EXT1: variants seen among roughly 807,000 people sequenced by gnomAD.
EXT1 encodes the protein exostosin glycosyltransferase 1.
A neutral mutation model predicts 82.5 loss-of-function variants in EXT1; 20 were observed. That is an observed-to-expected ratio of 0.24 (90% CI 0.17 to 0.35). The LOEUF (loss-of-function observed/expected upper bound fraction) is 0.35. Ranked by LOEUF, EXT1 falls within the 10% of genes least tolerant of loss-of-function variation. EXT1 has a pLI of 1.00. For synonymous variants in EXT1, 348 were observed against 350.8 expected (o/e 0.99, Z 0.09); for missense variants, 757 against 936.5 (o/e 0.81, Z 2.50).
chr8:118,096,549 C>T (rs1817613396), intron 1 of EXT1, among the ~76,000 whole-genome samples: 1 of 150,860 alleles, frequency 6.6e-6, no homozygotes, highest in Non-Finnish European at 1.5e-5. Flanking sequence ...TACAGTGAGC[C>T]GAGATCACGC....
intron 3 of EXT1, among the ~76,000 whole-genome samples, chr8:117,834,465 C>T (rs1364207898): frequency 1.3e-5 from 2 of 152,030 alleles, no homozygotes; most frequent in South Asian, 2.1e-4. Context: ...ATTAGCCAGG[C>T]GTGGTGGTGT....
intron 1 of EXT1, among the ~76,000 whole-genome samples, chr8:117,984,664 T>G (rs953496480): frequency 3.3e-5 from 5 of 152,120 alleles, no homozygotes; most frequent in Non-Finnish European, 7.4e-5. Flanking sequence ...TGATGTGGAT[T>G]TTTTCCTTGT....
chr8:117,836,024 C>G (rs970187090), intron 2 of EXT1, among the ~76,000 whole-genome samples: 1 of 152,202 alleles, frequency 6.6e-6, no homozygotes, highest in African/African-American at 2.4e-5. Flanking sequence ...GGCAGCAGTT[C>G]GTGGACTTAA....
At chr8:117,939,566 T>C (rs977357930) in intron 1 of EXT1, among the ~76,000 whole-genome samples, 1 of 112,642 alleles carries the variant, frequency 8.9e-6, no homozygotes, top group African/African-American at 3.4e-5. Flanking sequence ...TGAAACTCCA[T>C]CTCTGAAAAA....
chr8:118,092,400 T>C (rs1817539163), intron 1 of EXT1, among the ~76,000 whole-genome samples: 1 of 152,202 alleles, frequency 6.6e-6, no homozygotes, highest in Non-Finnish European at 1.5e-5. Context: ...GGAGGTGGAC[T>C]CTGGGATACA....
chr8:117,956,478 C>CTT (rs1563612511), intron 1 of EXT1, among the ~76,000 whole-genome samples: 4 of 152,136 alleles, frequency 2.6e-5, no homozygotes, highest in African/African-American at 9.7e-5. Flanking sequence ...GAGACAGTCT[C>CTT]ACTCTGTCGC....
intron 1 of EXT1, among the ~76,000 whole-genome samples, chr8:118,007,869 T>C (rs960971687): frequency 6.6e-6 from 1 of 152,186 alleles, no homozygotes; most frequent in Non-Finnish European, 1.5e-5. Context: ...CTATAATTTC[T>C]AGAACATTAC....
intron 1 of EXT1, among the ~76,000 whole-genome samples, chr8:118,028,990 T>C (rs1440017313): frequency 1.3e-5 from 2 of 152,120 alleles, no homozygotes. Flanking sequence ...TCACCATAAA[T>C]ATATATCAAT....
chr8:118,013,385 T>A (rs962688396), intron 1 of EXT1, among the ~76,000 whole-genome samples: 8 of 152,178 alleles, frequency 5.3e-5, no homozygotes, highest in Non-Finnish European at 1.2e-4. Flanking sequence ...ATTTTTGTAT[T>A]TTTAGTAGAG....
intron 1 of EXT1, among the ~76,000 whole-genome samples, chr8:117,918,674 G>A (rs961207286): frequency 5.3e-5 from 8 of 152,298 alleles, no homozygotes; most frequent in East Asian, 3.9e-4. Context: ...AGTCCAGAGC[G>A]GGCGTGAGAG....
chr8:117,857,531 C>A (rs887717452), intron 1 of EXT1, among the ~76,000 whole-genome samples: 2 of 91,342 alleles, frequency 2.2e-5, no homozygotes, highest in African/African-American at 1.1e-4. Context: ...GGCAAGACTT[C>A]CCCCCGCCAA....
At chr8:117,989,983 C>A (rs1815400434) in intron 1 of EXT1, among the ~76,000 whole-genome samples, 1 of 152,152 alleles carries the variant, frequency 6.6e-6, no homozygotes, top group Non-Finnish European at 1.5e-5. Context: ...ACCAGCCTGG[C>A]CAACATGGTG....
chr8:117,992,945 C>A (rs926313899), intron 1 of EXT1, among the ~76,000 whole-genome samples: 8 of 152,226 alleles, frequency 5.3e-5, no homozygotes, highest in Non-Finnish European at 7.3e-5. Flanking sequence ...ATTTCAGCTT[C>A]ACAGACAGCA....
intron 1 of EXT1, among the ~76,000 whole-genome samples, chr8:117,976,811 G>A (rs1397173492): frequency 6.6e-6 from 1 of 152,196 alleles, no homozygotes; most frequent in Non-Finnish European, 1.5e-5. Flanking sequence ...GGGGCTTGGA[G>A]GTGAAGAAGT....
In EXT1 at chr8:118,038,790, T is replaced by G. The variant is rs148257851; in HGVS notation, c.962+71295A>C. ...TCATTAAACTACATCTAAAAGATCCTAATACACCTGGCCACTCACTGCCTG... is the reference window on the plus strand; with the variant it reads ...TCATTAAACTACATCTAAAAGATCCGAATACACCTGGCCACTCACTGCCTG... On this transcript the variant is annotated intron_variant, in intron 1 of 10. Coordinates refer to ENST00000378204, the MANE Select transcript of EXT1 (RefSeq NM_000127.3). Among the ~76,000 whole-genome samples, 26 of 152,336 alleles carry G rather than the reference T, an allele frequency of 1.7e-4. No homozygotes were observed. In the East Asian group the frequency reaches 3.5e-3, roughly 20 times the overall value.
intron 1 of EXT1, among the ~76,000 whole-genome samples, chr8:117,895,918 C>A (rs1472467890): frequency 1.3e-5 from 2 of 152,182 alleles, no homozygotes; most frequent in Non-Finnish European, 2.9e-5. Context: ...ACATGCAGAT[C>A]CCAGCACACA....
intron 1 of EXT1, among the ~76,000 whole-genome samples, chr8:117,965,326 T>C (rs1434251467): frequency 6.6e-6 from 1 of 152,162 alleles, no homozygotes; most frequent in Non-Finnish European, 1.5e-5. Flanking sequence ...AAAGATCAGA[T>C]GGGCTGATTG....
At chr8:117,943,869 T>C (rs1257681788) in intron 1 of EXT1, among the ~76,000 whole-genome samples, 1 of 152,176 alleles carries the variant, frequency 6.6e-6, no homozygotes, top group Admixed American at 6.5e-5. Flanking sequence ...ATTCCTGTTT[T>C]GGTTGCAGGG....
At chr8:118,091,814 T>C (rs990152685) in intron 1 of EXT1, among the ~76,000 whole-genome samples, 4 of 152,136 alleles carry the variant, frequency 2.6e-5, no homozygotes, top group Non-Finnish European at 5.9e-5. Context: ...TCTTCTAAAC[T>C]TACTTTTTCT....
Sources: allele counts gnomAD v4.1 joint callset (sites outside exome capture counted in the v4.1 genomes callset), GRCh38; gene constraint gnomAD v4.1.1; transcripts MANE v1.5; gene names NCBI Gene and HGNC (gene_info 2026-07-23, HGNC 2026-07-21).